GLIS1: variants seen among roughly 807,000 people sequenced by gnomAD.
The protein encoded by GLIS1 is GLIS family zinc finger 1, also known as zinc finger protein GLIS1.
GLIS1 carries 24 observed loss-of-function variants against 63.8 expected under a neutral mutation model. The observed-to-expected ratio is 0.38, with a 90% CI of 0.27 to 0.53. GLIS1 has a LOEUF of 0.53. Among genes scored for constraint, GLIS1 ranks in the 20% least tolerant of loss-of-function variants. GLIS1 has a pLI of 0.85. For synonymous variants in GLIS1, 450 were observed against 482.5 expected (o/e 0.93, Z 0.88); for missense variants, 1,036 against 1,074.1 (o/e 0.96, Z 0.50).
chr1:53,568,656 G>A (rs1055933684), intron 4 of GLIS1, among the ~76,000 whole-genome samples: 5 of 152,266 alleles, frequency 3.3e-5, no homozygotes, highest in Non-Finnish European at 5.9e-5. Context: ...GATTTCCCCT[G>A]TCTTGTGATA....
intron 4 of GLIS1, among the ~76,000 whole-genome samples, chr1:53,549,859 T>A (rs528637277): frequency 3.9e-5 from 6 of 152,284 alleles, no homozygotes; most frequent in African/African-American, 1.4e-4. Context: ...ATATTACCAA[T>A]GGGCAAACAG....
chr1:53,600,649 G>T (rs1304024720), intron 2 of GLIS1, among the ~76,000 whole-genome samples: 1 of 152,174 alleles, frequency 6.6e-6, no homozygotes, highest in African/African-American at 2.4e-5. Context: ...ACCACACGGT[G>T]CTCATGAGGC....
intron 4 of GLIS1, among the ~76,000 whole-genome samples, chr1:53,570,363 C>G (rs544250832): frequency 1.3e-5 from 2 of 152,062 alleles, no homozygotes; most frequent in Non-Finnish European, 2.9e-5. Context: ...CTCAAACAAT[C>G]CTCCCACCCC....
intron 2 of GLIS1, among the ~76,000 whole-genome samples, chr1:53,697,112 G>A (rs1646473467): frequency 6.6e-6 from 1 of 152,218 alleles, no homozygotes; most frequent in African/African-American, 2.4e-5. Flanking sequence ...GGAGCTGGGA[G>A]GAGGCAGGAC....
rs566075428 is a variant in GLIS1, at chr1:53,524,628, C to A, written c.1593+149G>T. ...ACACTAAGGGCAGGTGGGAAGTGGA[C>A]GGACGGACGAACGGACGAACGGATG... On this transcript the variant is annotated intron_variant, in intron 6 of 10. Transcript: ENST00000628545. 1.3e-4 allele frequency: 80 copies of A among 628,030 alleles called. 1 individual carries two copies. Among genetic ancestry groups the A allele is most frequent in the Non-Finnish European group, 5.7e-6 (2 of 351,776 alleles). 38.9% of individuals were successfully genotyped at this position (628,030 alleles called of 1,614,324 possible).
chr1:53,677,419 C>T (rs1225890440), intron 2 of GLIS1, among the ~76,000 whole-genome samples: 2 of 152,264 alleles, frequency 1.3e-5, no homozygotes. Flanking sequence ...TTCTGGGACC[C>T]AATGGGGAGA....
At chr1:53,543,655 C>T (rs3855969) in intron 4 of GLIS1, among the ~76,000 whole-genome samples, 133,862 of 152,204 alleles carry the variant, frequency 0.88, 58,989 homozygotes, top group East Asian at 0.99. Flanking sequence ...ATGCTAGCAA[C>T]AACAGCCACT....
chr1:53,580,046 C>T (rs1444341599), intron 4 of GLIS1, among the ~76,000 whole-genome samples: 1 of 152,184 alleles, frequency 6.6e-6, no homozygotes, highest in Non-Finnish European at 1.5e-5. Flanking sequence ...AATAAGGGAT[C>T]AGGTAAGGCC....
At chr1:53,617,844 CCTT>C (rs1645498686) in intron 2 of GLIS1, among the ~76,000 whole-genome samples, 1 of 152,214 alleles carries the variant, frequency 6.6e-6, no homozygotes, top group South Asian at 2.1e-4. Flanking sequence ...TCCCAGCCAT[CCTT>C]CTTCAGGTAG....
At chr1:53,709,001 G>A (rs1047511510) in intron 2 of GLIS1, among the ~76,000 whole-genome samples, 1 of 151,964 alleles carries the variant, frequency 6.6e-6, no homozygotes, top group Non-Finnish European at 1.5e-5. Context: ...CATTCATGGA[G>A]TACTAGTGTA....
intron 4 of GLIS1, among the ~76,000 whole-genome samples, chr1:53,561,732 G>A (rs1353157849): frequency 1.3e-5 from 2 of 152,202 alleles, no homozygotes; most frequent in African/African-American, 4.8e-5. Flanking sequence ...AGCAGTTCAT[G>A]GAGAGTCATC....
chr1:53,513,435 C>T (rs1336706928), intron 8 of GLIS1, among the ~76,000 whole-genome samples: 3 of 152,198 alleles, frequency 2.0e-5, no homozygotes, highest in Non-Finnish European at 4.4e-5. Context: ...CGTCACCCCA[C>T]ACAATGACTC....
intron 2 of GLIS1, among the ~76,000 whole-genome samples, chr1:53,694,788 T>C (rs894567157): frequency 6.6e-6 from 1 of 152,120 alleles, no homozygotes; most frequent in Non-Finnish European, 1.5e-5. Context: ...TAACGCTGCC[T>C]CAAAAAATCC....
intron 2 of GLIS1, among the ~76,000 whole-genome samples, chr1:53,624,511 T>C (rs1407528757): frequency 6.6e-6 from 1 of 151,884 alleles, no homozygotes; most frequent in Non-Finnish European, 1.5e-5. Context: ...TAAGAGTTGA[T>C]AAATTGGACT....
chr1:53,682,884 C>T (rs911668338), intron 2 of GLIS1, among the ~76,000 whole-genome samples: 1 of 152,116 alleles, frequency 6.6e-6, no homozygotes, highest in Non-Finnish European at 1.5e-5. Context: ...GGTCAGAGAG[C>T]AATCAAGGAA....
At chr1:53,708,020 C>T (rs1173591) in intron 2 of GLIS1, among the ~76,000 whole-genome samples, 94,011 of 150,932 alleles carry the variant, frequency 0.62, 31,454 homozygotes, top group Non-Finnish European at 0.73. Flanking sequence ...CGGTGGCTCA[C>T]GCCTGTAATC....
chr1:53,555,179 G>C (rs753485728), intron 4 of GLIS1, among the ~76,000 whole-genome samples: 5 of 152,206 alleles, frequency 3.3e-5, no homozygotes, highest in African/African-American at 4.8e-5. Context: ...TCTGGTTCTG[G>C]AAATTCTCTT....
intron 4 of GLIS1, among the ~76,000 whole-genome samples, chr1:53,547,389 G>A (rs1173988442): frequency 2.0e-5 from 3 of 152,248 alleles, no homozygotes; most frequent in African/African-American, 7.2e-5. Flanking sequence ...GGCTGAAGGT[G>A]GCAAGACCAA....
At chr1:53,681,792 T>C (rs1646277852) in intron 2 of GLIS1, among the ~76,000 whole-genome samples, 1 of 71,670 alleles carries the variant, frequency 1.4e-5, no homozygotes, top group East Asian at 4.2e-4. Context: ...CAGAGCTGAG[T>C]GCATTCGAGG....
Sources: gnomAD v4.1 joint callset for allele counts (sites outside exome capture counted in the v4.1 genomes callset) on GRCh38, gnomAD v4.1.1 for gene constraint, MANE v1.5 for transcripts, NCBI Gene and HGNC (gene_info 2026-07-23, HGNC 2026-07-21) for gene names.